The following MAGI1 variants were observed in gnomAD, a reference collection of about 807,000 sequenced individuals.
MAGI1 encodes membrane associated guanylate kinase, WW and PDZ domain containing 1.
Under a neutral mutation model 139.9 loss-of-function variants are expected in MAGI1, and 58 were observed. That is an observed-to-expected ratio of 0.41 (90% CI 0.34 to 0.52). The LOEUF is 0.52. Ranked by LOEUF, MAGI1 falls within the 20% of genes least tolerant of loss-of-function variation. The probability of loss-of-function intolerance (pLI) is 0.12; values close to 1 mark genes in which losing one functional copy is unlikely to be tolerated. For synonymous variants in MAGI1, 812 were observed against 737.9 expected, an observed-to-expected ratio of 1.10 and a Z score of -1.63; for missense variants, 1,874 against 1,901.6, an observed-to-expected ratio of 0.99 and a Z score of 0.27.
At chr3:65,528,132 C>T (rs1229447238) in intron 2 of MAGI1, among the ~76,000 whole-genome samples, 2 of 152,056 alleles carry the variant, frequency 1.3e-5, no homozygotes, top group Admixed American at 1.3e-4. Context: ...CTATCATTTA[C>T]ATCAAGAAAA....
intron 17 of MAGI1, 83 bp from the exon 18 acceptor site, chr3:65,376,028 G>A: frequency 9.9e-7 from 1 of 1,006,070 alleles, no homozygotes; most frequent in South Asian, 1.5e-5. Context: ...AAAAGGGAAA[G>A]AGAAGGTTAA....
intron 1 of MAGI1, among the ~76,000 whole-genome samples, chr3:65,812,470 A>ACTCT (rs762674028): frequency 0.018 from 1,877 of 107,238 alleles, 23 homozygotes; most frequent in Non-Finnish European, 0.026. Context: ...TCTCTCTCTC[A>ACTCT]CACACACACA....
At chr3:65,925,934 T>TC (rs909931558) in intron 1 of MAGI1, among the ~76,000 whole-genome samples, 2 of 152,180 alleles carry the variant, frequency 1.3e-5, no homozygotes, top group African/African-American at 4.8e-5. Flanking sequence ...TGCCTCAGCC[T>TC]CCCAAAGTGC....
At chr3:65,596,982 C>G (rs1232476158) in intron 2 of MAGI1, among the ~76,000 whole-genome samples, 2 of 152,150 alleles carry the variant, frequency 1.3e-5, no homozygotes, top group African/African-American at 2.4e-5. Context: ...GCAGCCCTTC[C>G]GTTTCTAATT....
chr3:65,593,964 G>A (rs1267022025), intron 2 of MAGI1, among the ~76,000 whole-genome samples: 1 of 152,134 alleles, frequency 6.6e-6, no homozygotes. Flanking sequence ...TCAGCCTGAT[G>A]AGTCACTTTC....
intron 1 of MAGI1, among the ~76,000 whole-genome samples, chr3:65,819,687 A>G (rs1466062980): frequency 6.6e-6 from 1 of 151,576 alleles, no homozygotes; most frequent in Non-Finnish European, 1.5e-5. Flanking sequence ...GACCATCCTG[A>G]CCAACATAGT....
chr3:65,463,724 T>A (rs939995293), intron 5 of MAGI1, among the ~76,000 whole-genome samples: 1 of 152,136 alleles, frequency 6.6e-6, no homozygotes, highest in East Asian at 1.9e-4. Context: ...TGTATAACTC[T>A]GGTAGTATTT....
chr3:65,373,834 G>A (rs1942234263), intron 18 of MAGI1, among the ~76,000 whole-genome samples: 1 of 152,212 alleles, frequency 6.6e-6, no homozygotes, highest in African/African-American at 2.4e-5. Context: ...CATCATTCAA[G>A]AGGCCAGTGT....
intron 2 of MAGI1, among the ~76,000 whole-genome samples, chr3:65,588,029 G>A (rs868272424): frequency 6.6e-6 from 1 of 152,010 alleles, no homozygotes; most frequent in East Asian, 1.9e-4. Context: ...CCTATTCTCC[G>A]GCTTTCCTTA....
chr3:66,017,632 T>C (rs2067724564), intron 1 of MAGI1, among the ~76,000 whole-genome samples: 1 of 152,192 alleles, frequency 6.6e-6, no homozygotes, highest in South Asian at 2.1e-4. Context: ...CTGGAGAGGA[T>C]GGTACACACA....
chr3:65,844,657 G>A (rs2058922649), intron 1 of MAGI1, among the ~76,000 whole-genome samples: 1 of 152,072 alleles, frequency 6.6e-6, no homozygotes, highest in Admixed American at 6.5e-5. Flanking sequence ...CATACTTCAG[G>A]AACAGGGGTC....
chr3:65,581,718 G>A (rs1372893253), intron 2 of MAGI1, among the ~76,000 whole-genome samples: 1 of 152,078 alleles, frequency 6.6e-6, no homozygotes, highest in Non-Finnish European at 1.5e-5. Flanking sequence ...TCTCCCATCA[G>A]CATACCCAAT....
At chr3:65,471,039 A>C (rs11915732) in intron 4 of MAGI1, among the ~76,000 whole-genome samples, 2,023 of 152,328 alleles carry the variant, frequency 0.013, 37 homozygotes, top group African/African-American at 0.046. Context: ...AAACGTATAC[A>C]AAAGTTTAGA....
At chr3:65,428,352 C>T (rs1947217615) in intron 12 of MAGI1, among the ~76,000 whole-genome samples, 1 of 152,144 alleles carries the variant, frequency 6.6e-6, no homozygotes, top group Non-Finnish European at 1.5e-5. Context: ...ATTCCAGGAG[C>T]AAGACACTTC....
chr3:65,481,661 A>G (rs1951303330), intron 3 of MAGI1, among the ~76,000 whole-genome samples: 2 of 152,234 alleles, frequency 1.3e-5, no homozygotes, highest in Non-Finnish European at 2.9e-5. Flanking sequence ...TTTCCTAACC[A>G]TATCACTCAG....
At chr3:65,597,398 C>T (rs1016547783) in intron 2 of MAGI1, among the ~76,000 whole-genome samples, 3 of 151,914 alleles carry the variant, frequency 2.0e-5, no homozygotes, top group African/African-American at 4.8e-5. Flanking sequence ...ATACAAAGCG[C>T]GCGCCACACT....
At chr3:65,961,763 T>A (rs1434665225) in intron 1 of MAGI1, among the ~76,000 whole-genome samples, 1 of 152,134 alleles carries the variant, frequency 6.6e-6, no homozygotes, top group African/African-American at 2.4e-5. Context: ...ATTTTACACG[T>A]TTCAAGAAAC....
intron 1 of MAGI1, among the ~76,000 whole-genome samples, chr3:65,880,312 T>C (rs1306318752): frequency 6.6e-6 from 1 of 151,806 alleles, no homozygotes; most frequent in Non-Finnish European, 1.5e-5. Context: ...ATGATAACAG[T>C]AGTAACAGTA....
At chr3:65,414,804 C>T (rs1207371702) in intron 12 of MAGI1, among the ~76,000 whole-genome samples, 4 of 150,568 alleles carry the variant, frequency 2.7e-5, no homozygotes, top group African/African-American at 9.8e-5. Flanking sequence ...GAGGCCGAGG[C>T]AGGCAGATCA....
Sources: gnomAD v4.1 joint callset for allele counts (sites outside exome capture counted in the v4.1 genomes callset) on GRCh38, gnomAD v4.1.1 for gene constraint, MANE v1.5 for transcripts, NCBI Gene and HGNC (gene_info 2026-07-23, HGNC 2026-07-21) for gene names.